Variants in CPE observed in about 807,000 individuals in gnomAD.
CPE encodes the protein carbocypeptidase E.
In CPE, 17 loss-of-function variants were observed where a neutral mutation model predicts 53.5. That is an observed-to-expected ratio of 0.32 (90% CI 0.22 to 0.48). The LOEUF (loss-of-function observed/expected upper bound fraction) is 0.48. Ranked by LOEUF, CPE falls within the 20% of genes least tolerant of loss-of-function variation. The probability of loss-of-function intolerance (pLI) is 0.99; values close to 1 mark genes in which losing one functional copy is unlikely to be tolerated. For synonymous variants in CPE, 226 were observed against 228.8 expected, an observed-to-expected ratio of 0.99 and a Z score of 0.11; for missense variants, 524 against 614.7, an observed-to-expected ratio of 0.85 and a Z score of 1.56.
At chr4:165,395,555 T>G (rs1730749577) in intron 1 of CPE, among the ~76,000 whole-genome samples, 2 of 152,224 alleles carry the variant, frequency 1.3e-5, no homozygotes, top group South Asian at 4.1e-4. Flanking sequence ...AGTTATCTTA[T>G]ATAAATGGAT....
rs4690820 is a variant in CPE, at chr4:165,440,628, G to A, written c.308-23762G>A. On this transcript the variant is annotated intron_variant, in intron 1 of 8. Coordinates refer to ENST00000402744, the MANE Select transcript of CPE (RefSeq NM_001873.4). ...ATCCACTTTGTGGGATTTTTTCCTC[G>A]TACCTTCCCAACTGAGTTCCTGTAG... 6.9e-3 allele frequency among the ~76,000 whole-genome samples: 1,042 copies of A among 151,918 alleles called. 32 individuals are homozygous for A. The East Asian group carries it at 0.1, about 15-fold the overall frequency.
chr4:165,486,139 A>G (rs1732501368), intron 5 of CPE, among the ~76,000 whole-genome samples: 1 of 152,030 alleles, frequency 6.6e-6, no homozygotes, highest in Non-Finnish European at 1.5e-5. Flanking sequence ...GGGGTGAGAG[A>G]TAGCATGATG....
At chr4:165,454,108 G>A (rs1256391245) in intron 1 of CPE, among the ~76,000 whole-genome samples, 1 of 152,008 alleles carries the variant, frequency 6.6e-6, no homozygotes, top group Non-Finnish European at 1.5e-5. Context: ...CTACCAACTT[G>A]GCTCACAAAT....
At chr4:165,428,763 T>A (rs924953828) in intron 1 of CPE, among the ~76,000 whole-genome samples, 1 of 152,210 alleles carries the variant, frequency 6.6e-6, no homozygotes, top group Non-Finnish European at 1.5e-5. Context: ...AATTTCTGCC[T>A]TTGTGGACAC....
In CPE at chr4:165,452,738, T is replaced by TTC. The variant is rs1408790651; in HGVS notation, c.308-11652_308-11651insTC. Among the ~76,000 whole-genome samples, 100 of 152,320 alleles carry TTC rather than the reference T, an allele frequency of 6.6e-4. 1 individual carries two copies. In the East Asian group the frequency reaches 0.013, roughly 20 times the overall value. ...GCTGTTGAAATTCCCACCAGTCTGC[T>TTC]GGCATCATTGCATCCCTCCCAATTA... is the stretch of plus-strand genomic sequence containing the variant. On this transcript the variant is annotated intron_variant, in intron 1 of 8. Transcript: ENST00000402744.
chr4:165,481,478 C>T (rs1358426246), intron 3 of CPE, among the ~76,000 whole-genome samples: 1 of 152,142 alleles, frequency 6.6e-6, no homozygotes, highest in African/African-American at 2.4e-5. Flanking sequence ...CAGAGAAGCA[C>T]TTGGGGTTTG....
chr4:165,391,396 G>A (rs1432538680), intron 1 of CPE, among the ~76,000 whole-genome samples: 1 of 152,010 alleles, frequency 6.6e-6, no homozygotes, highest in East Asian at 1.9e-4. Context: ...GGCCAAGAAG[G>A]CTCTCATTCA....
At chr4:165,454,267 T>C (rs1208623570) in intron 1 of CPE, among the ~76,000 whole-genome samples, 1 of 152,218 alleles carries the variant, frequency 6.6e-6, no homozygotes, top group Non-Finnish European at 1.5e-5. Context: ...CTCCATTTGC[T>C]TCTTTATTCT....
chr4:165,451,522 C>T (rs1454911771), intron 1 of CPE, among the ~76,000 whole-genome samples: 7 of 152,100 alleles, frequency 4.6e-5, no homozygotes, highest in South Asian at 4.2e-4. Flanking sequence ...GACAGAGTCT[C>T]GCTCCGTTGC....
At chr4:165,488,918 T>C (rs1378926119) in intron 6 of CPE, among the ~76,000 whole-genome samples, 1 of 152,108 alleles carries the variant, frequency 6.6e-6, no homozygotes, top group Admixed American at 6.5e-5. Context: ...AATATCCATA[T>C]ACTGTAATAC....
chr4:165,428,517 G>T (rs1397175300), intron 1 of CPE, among the ~76,000 whole-genome samples: 1 of 152,160 alleles, frequency 6.6e-6, no homozygotes, highest in Non-Finnish European at 1.5e-5. Context: ...ATTACCCATG[G>T]TATTAGTTTC....
intron 3 of CPE, among the ~76,000 whole-genome samples, chr4:165,474,365 A>C (rs1732259979): frequency 6.6e-6 from 1 of 152,066 alleles, no homozygotes; most frequent in Non-Finnish European, 1.5e-5. Context: ...GCTTTGGGGG[A>C]GTCAAATGTT....
chr4:165,422,072 CAG>C (rs1731233124), intron 1 of CPE, among the ~76,000 whole-genome samples: 2 of 152,022 alleles, frequency 1.3e-5, no homozygotes, highest in Admixed American at 6.6e-5. Context: ...TTTAAAATAA[CAG>C]GGAAAACTTT....
In CPE at chr4:165,406,331, C is replaced by T. The variant is rs556676859; in HGVS notation, c.307+26803C>T. The stretch of plus-strand genomic sequence containing the variant: ...CAGAGAAGTGGCTGAGGCTGCCAAT[C>T]GCCCGGTAGACCACCATGTTGAGCT... On this transcript the variant is annotated intron_variant, in intron 1 of 8. Transcript: ENST00000402744. 54 of 548,232 alleles carry T rather than the reference C, an allele frequency of 9.8e-5. 1 individual carries two copies. In the Admixed American group the frequency reaches 1.1e-3, roughly 11 times the overall value. 34.0% of individuals were successfully genotyped at this position (548,232 alleles called of 1,614,324 possible). A position where few individuals can be genotyped will look rare whatever the true frequency, so the allele number is the denominator to read the frequency against.
At chr4:165,466,263 TG>T (rs2126701655) in intron 2 of CPE, among the ~76,000 whole-genome samples, 1 of 152,258 alleles carries the variant, frequency 6.6e-6, no homozygotes, top group South Asian at 2.1e-4. Flanking sequence ...TAACTATTTG[TG>T]TATCTAAACA....
rs553060191 is a variant in CPE at position 165,410,634 on chromosome 4, C to T, written c.307+31106C>T. ...AGAAAGGTTACAAAGGGGAGGGGACCATATCTGTGTTTACATTTGTTCCTT... is the reference window on the plus strand; with the variant it reads ...AGAAAGGTTACAAAGGGGAGGGGACTATATCTGTGTTTACATTTGTTCCTT... On this transcript the variant is annotated intron_variant, in intron 1 of 8. Transcript: ENST00000402744. Among the ~76,000 whole-genome samples, 11 of 152,210 alleles carry T rather than the reference C, an allele frequency of 7.2e-5. No homozygotes were observed. In the East Asian group the frequency reaches 2.1e-3, roughly 29 times the overall value.
intron 3 of CPE, among the ~76,000 whole-genome samples, chr4:165,468,235 A>G (rs1319633559): frequency 6.6e-6 from 1 of 151,586 alleles, no homozygotes; most frequent in African/African-American, 2.4e-5. Context: ...ACTTTCTCCT[A>G]CCTCTTCTAC....
chr4:165,385,399 T>C (rs1367824029), intron 1 of CPE, among the ~76,000 whole-genome samples: 1 of 147,196 alleles, frequency 6.8e-6, no homozygotes, highest in Non-Finnish European at 1.5e-5. Context: ...CCTGAAGGAC[T>C]TTTTCCCTCT....
At chr4:165,479,401 T>G (rs529500341) in intron 3 of CPE, among the ~76,000 whole-genome samples, 2 of 152,274 alleles carry the variant, frequency 1.3e-5, no homozygotes, top group African/African-American at 4.8e-5. Context: ...GACACTACAA[T>G]TTAAGTTTAA....
Sources: allele counts gnomAD v4.1 joint callset (sites outside exome capture counted in the v4.1 genomes callset), GRCh38; gene constraint gnomAD v4.1.1; transcripts MANE v1.5; gene names NCBI Gene and HGNC (gene_info 2026-07-23, HGNC 2026-07-21).